YIPF1: variants seen among roughly 807,000 people sequenced by gnomAD.
The protein encoded by YIPF1 is protein YIPF1.
Under a neutral mutation model 37.0 loss-of-function variants are expected in YIPF1, and 22 were observed. That is an observed-to-expected ratio of 0.59 (90% confidence interval 0.42 to 0.85). The LOEUF (loss-of-function observed/expected upper bound fraction) is 0.85. Ranked by LOEUF, YIPF1 falls within the 40% of genes least tolerant of loss-of-function variation. The pLI is 0.00. For synonymous variants in YIPF1, 128 were observed against 131.9 expected (o/e 0.97, Z 0.21); for missense variants, 355 against 373.1 (o/e 0.95, Z 0.40).
At chr1:53,856,391 G>A (rs1649719386) in intron 10 of YIPF1, among the ~76,000 whole-genome samples, 1 of 152,188 alleles carries the variant, frequency 6.6e-6, no homozygotes, top group African/African-American at 2.4e-5. Flanking sequence ...ACATGGCGAT[G>A]TCAGGTACTT....
chr1:53,857,367 C>A (rs147347707), intron 10 of YIPF1, among the ~76,000 whole-genome samples: 67 of 152,318 alleles, frequency 4.4e-4, no homozygotes, highest in African/African-American at 1.6e-3. Context: ...AAACTCTCAG[C>A]TGATAAGACA....
intron 4 of YIPF1, among the ~76,000 whole-genome samples, chr1:53,882,631 G>T (rs1484521218): frequency 6.6e-6 from 1 of 152,052 alleles, no homozygotes; most frequent in Non-Finnish European, 1.5e-5. Flanking sequence ...CTAATATTTT[G>T]TACTTTTTGT....
chr1:53,869,158 T>TCA (rs1191309311), intron 7 of YIPF1, among the ~76,000 whole-genome samples: 2,369 of 121,294 alleles, frequency 0.02, 17 homozygotes, highest in African/African-American at 0.032. Context: ...TCTCTCTCTC[T>TCA]CTCACACACA....
chr1:53,859,925 A>C, intron 10 of YIPF1, 131 bp downstream of exon 10: 1 of 842,008 alleles, frequency 1.2e-6, no homozygotes, highest in Non-Finnish European at 1.8e-6. Context: ...GCACATGCAC[A>C]AACCCACGCT....
intron 7 of YIPF1, among the ~76,000 whole-genome samples, chr1:53,871,065 T>C (rs1039283112): frequency 6.6e-6 from 1 of 151,588 alleles, no homozygotes; most frequent in Admixed American, 6.6e-5. Context: ...TATTCGGCCT[T>C]GATTTACAGC....
Position 53,866,883 on chromosome 1 carries a change from C to A in YIPF1, c.523G>T (p.Val175Phe), listed in dbSNP as rs946365460. 2.5e-6 allele frequency: 4 copies of A among 1,613,910 alleles called. No individual in the cohort carries two copies. The highest frequency in any genetic ancestry group is 2.7e-5 in the African/African-American group (2 of 74,908). ...ATIIYAYAWL[V>F]PLALWGFLMW... ...AGGAAACCCCAGAGTGCAAGAGGAACCAGCCAGGCATAGGCATAGATGATG... is the reference window on the plus strand; with the variant it reads ...AGGAAACCCCAGAGTGCAAGAGGAAACAGCCAGGCATAGGCATAGATGATG... The change falls in exon 8 of 11, where the codon GTT (valine) becomes TTT (phenylalanine). Residue 175 changes from valine to phenylalanine, a missense_variant. Transcript: ENST00000072644.
At chr1:53,871,261 C>T in intron 7 of YIPF1, 111 bp downstream of exon 7, 1 of 867,754 alleles carries the variant, frequency 1.2e-6, no homozygotes, top group South Asian at 1.6e-5. Flanking sequence ...AACCCTAAAA[C>T]ACAAAAGCAG....
intron 6 of YIPF1, among the ~76,000 whole-genome samples, chr1:53,877,251 T>G (rs1388878367): frequency 2.0e-5 from 3 of 152,188 alleles, no homozygotes; most frequent in Non-Finnish European, 2.9e-5. Flanking sequence ...AACCCTCAGA[T>G]GAAAAGCATG....
intron 10 of YIPF1, among the ~76,000 whole-genome samples, chr1:53,855,742 A>C (rs1649703241): frequency 6.6e-6 from 1 of 152,212 alleles, no homozygotes; most frequent in African/African-American, 2.4e-5. Context: ...GGTTTGTTTA[A>C]GTATATTCTA....
Position 53,870,160 on chromosome 1 carries a change from C to CTCTTTTTTTTTTTTTTTTTT in YIPF1, c.481+1211_481+1212insAAAAAAAAAAAAAAAAAAGA, listed in dbSNP as rs1557605849. On this transcript the variant is annotated intron_variant, in intron 7 of 10. Transcript: ENST00000072644. ...AGGCTTGAGCCACCGCACCGGGTCT[C>CTCTTTTTTTTTTTTTTTTTT]TTTTTTTTTTTTTTTTTTTTTTTTT... Among the ~76,000 whole-genome samples, 2 of 91,196 alleles carry CTCTTTTTTTTTTTTTTTTTT rather than the reference C, an allele frequency of 2.2e-5. 1 individual carries two copies. The highest frequency in any genetic ancestry group is 8.9e-5 in the African/African-American group (2 of 22,580). 59.8% of individuals were successfully genotyped at this position (91,196 alleles called of 152,430 possible). A position where few individuals can be genotyped will look rare whatever the true frequency, so the allele number is the denominator to read the frequency against.
chr1:53,878,666 T>C lies in YIPF1; in HGVS notation c.252A>G (p.Thr84=), dbSNP rs1392104636. The C allele has an allele frequency of 1.9e-6, 3 of 1,604,310 alleles. No individual in the cohort carries two copies. The highest frequency in any genetic ancestry group is 2.5e-6 in the Non-Finnish European group (3 of 1,178,058). ...SPFWTFEYYQ[T]FFDVDTYQVF... is the part of the protein sequence containing the mutation. Reference sequence around the variant, plus strand: ...CCTGGTAGGTGTCCACATCAAAGAATGTTTGGTAGTATTCAAATGTCCAGA... The same window carrying C: ...CCTGGTAGGTGTCCACATCAAAGAACGTTTGGTAGTATTCAAATGTCCAGA... The change falls in exon 5 of 11, where the codon ACA becomes ACG. Residue 84 remains threonine (T), a synonymous_variant. Coordinates refer to ENST00000072644, the MANE Select transcript of YIPF1 (RefSeq NM_018982.5).
chr1:53,874,596 G>A (rs569247754), intron 6 of YIPF1, among the ~76,000 whole-genome samples: 24 of 152,022 alleles, frequency 1.6e-4, no homozygotes, highest in Non-Finnish European at 2.8e-4. Context: ...GTAAAACTCC[G>A]TCTCTACTAA....
intron 8 of YIPF1, 67 bp from the exon 9 acceptor site, chr1:53,866,449 T>C (rs1650027393): frequency 2.0e-6 from 3 of 1,534,394 alleles, no homozygotes; most frequent in Admixed American, 3.8e-5. Flanking sequence ...GGCACATATG[T>C]TTACAAAGGC....
intron 4 of YIPF1, 160 bp downstream of exon 4, chr1:53,882,953 G>A: frequency 5.7e-6 from 4 of 700,996 alleles, no homozygotes; most frequent in Non-Finnish European, 6.5e-6. Flanking sequence ...GGAAAGTAAT[G>A]GTCTGTTTGC....
intron 4 of YIPF1, among the ~76,000 whole-genome samples, chr1:53,880,487 A>G (rs1271352452): frequency 6.6e-6 from 1 of 152,268 alleles, no homozygotes; most frequent in Non-Finnish European, 1.5e-5. Flanking sequence ...CATACTGCCC[A>G]AAGTAATTTA....
chr1:53,860,672 G>T (rs1050715771), intron 9 of YIPF1, among the ~76,000 whole-genome samples: 2 of 152,224 alleles, frequency 1.3e-5, no homozygotes, highest in African/African-American at 4.8e-5. Context: ...AACTACATTA[G>T]CTTGCTGCTA....
chr1:53,871,331 G>C (rs1650185906), intron 7 of YIPF1, 41 bp downstream of exon 7: 1 of 1,578,018 alleles, frequency 6.3e-7, no homozygotes, highest in Non-Finnish European at 8.7e-7. Flanking sequence ...CTCAAAGCTA[G>C]AAACTGACAG....
chr1:53,873,919 A>G (rs1650263099), intron 6 of YIPF1, among the ~76,000 whole-genome samples: 1 of 152,280 alleles, frequency 6.6e-6, no homozygotes, highest in Admixed American at 6.5e-5. Flanking sequence ...TAGCTGCCCC[A>G]TGCTCTAAGC....
At chr1:53,861,514 CTATAAAATTAAAGGA>C (rs1157056635) in intron 9 of YIPF1, among the ~76,000 whole-genome samples, 4 of 151,820 alleles carry the variant, frequency 2.6e-5, no homozygotes, top group African/African-American at 9.7e-5. Flanking sequence ...ACTTTCTGAT[CTATAAAATTAAAGGA>C]TTAGAAAAGA....
Sources: gnomAD v4.1 joint callset for allele counts (sites outside exome capture counted in the v4.1 genomes callset) on GRCh38, gnomAD v4.1.1 for gene constraint, MANE v1.5 for transcripts, NCBI Gene and HGNC (gene_info 2026-07-23, HGNC 2026-07-21) for gene names.